TRPC7: variants seen among roughly 807,000 people sequenced by gnomAD.
The protein encoded by TRPC7 is short transient receptor potential channel 7.
A neutral mutation model predicts 90.1 loss-of-function variants in TRPC7; 42 were observed. The ratio of observed to expected loss-of-function variants is 0.47; its 90% CI spans 0.36 to 0.60. The LOEUF is 0.60. Among genes scored for constraint, TRPC7 ranks in the 20% least tolerant of loss-of-function variants. The pLI, the probability that TRPC7 is intolerant of heterozygous loss-of-function variation, is 0.00. For missense variants in TRPC7, 955 were observed against 1,112.3 expected (o/e 0.86, Z 2.01); for synonymous variants, 451 against 436.3 (o/e 1.03, Z -0.42).
intron 2 of TRPC7, among the ~76,000 whole-genome samples, chr5:136,356,262 C>T (rs1431657692): frequency 6.6e-6 from 1 of 152,188 alleles, no homozygotes; most frequent in African/African-American, 2.4e-5. Context: ...ACCACAGGTC[C>T]TTAGGTGTCC....
At chr5:136,292,486 C>T (rs1757993525) in intron 3 of TRPC7, among the ~76,000 whole-genome samples, 1 of 152,178 alleles carries the variant, frequency 6.6e-6, no homozygotes, top group South Asian at 2.1e-4. Flanking sequence ...CACAGAAATA[C>T]AAACTACCAT....
chr5:136,213,684 A>G, intron 11 of TRPC7, 80 bp from the exon 12 acceptor site: 1 of 1,494,148 alleles, frequency 6.7e-7, no homozygotes, highest in Non-Finnish European at 9.2e-7. Flanking sequence ...GGGCATGTGC[A>G]TCCTTCCAGT....
intron 4 of TRPC7, among the ~76,000 whole-genome samples, chr5:136,267,361 C>A (rs1024774960): frequency 5.1e-4 from 77 of 152,282 alleles, no homozygotes; most frequent in African/African-American, 1.9e-3. Flanking sequence ...CAAGCCCTAC[C>A]CCTCATCCAG....
At chr5:136,254,023 A>G (rs1364863681) in intron 5 of TRPC7, among the ~76,000 whole-genome samples, 5 of 152,176 alleles carry the variant, frequency 3.3e-5, no homozygotes, top group Non-Finnish European at 7.3e-5. Flanking sequence ...CCAGAGGAAG[A>G]CCCTCACTCT....
At chr5:136,286,501 G>T (rs1757724098) in intron 3 of TRPC7, among the ~76,000 whole-genome samples, 1 of 152,160 alleles carries the variant, frequency 6.6e-6, no homozygotes, top group Non-Finnish European at 1.5e-5. Flanking sequence ...CACGTGCAGG[G>T]AGAGAGACCA....
rs1755137427 is a variant in TRPC7, at chr5:136,212,869, G to C, written c.*566C>G. Among the ~76,000 whole-genome samples the C allele has an allele frequency of 6.6e-6, 1 of 152,196 alleles. No individual in the cohort carries two copies. The highest frequency in any genetic ancestry group is 1.5e-5 in the Non-Finnish European group (1 of 68,028). ...TGTTTTCTAAACAGTGCTACCTACA[G>C]TACAGTTTTCAATTTAGGATTTTTA... On this transcript the variant is annotated 3_prime_UTR_variant, in exon 12 of 12. Transcript: ENST00000513104.
chr5:136,220,472 G>A (rs1755417682), intron 10 of TRPC7, among the ~76,000 whole-genome samples: 1 of 152,114 alleles, frequency 6.6e-6, no homozygotes, highest in Non-Finnish European at 1.5e-5. Flanking sequence ...ACTGAAATAT[G>A]CCCTGGTCTC....
At chr5:136,277,655 T>C (rs1417095018) in intron 3 of TRPC7, among the ~76,000 whole-genome samples, 1 of 152,166 alleles carries the variant, frequency 6.6e-6, no homozygotes, top group Non-Finnish European at 1.5e-5. Context: ...ACTCGGGGTG[T>C]GACCAGGATT....
intron 3 of TRPC7, among the ~76,000 whole-genome samples, chr5:136,281,672 C>T (rs1169914222): frequency 6.6e-6 from 1 of 152,164 alleles, no homozygotes; most frequent in East Asian, 1.9e-4. Flanking sequence ...AATACAAGCT[C>T]CACCACTGAT....
chr5:136,354,277 G>T (rs184522067), intron 2 of TRPC7, among the ~76,000 whole-genome samples: 1 of 152,088 alleles, frequency 6.6e-6, no homozygotes, highest in Non-Finnish European at 1.5e-5. Flanking sequence ...CAAAAAAGAG[G>T]CTATATTCCT....
intron 7 of TRPC7, 36 bp from the exon 8 acceptor site, chr5:136,231,585 C>A (rs776707752): frequency 7.8e-6 from 12 of 1,533,098 alleles, no homozygotes; most frequent in African/African-American, 1.4e-5. Context: ...ACGCAGTTTG[C>A]ATCAGCTTGA....
intron 3 of TRPC7, among the ~76,000 whole-genome samples, chr5:136,309,799 A>G (rs996217540): frequency 6.6e-6 from 1 of 152,182 alleles, no homozygotes; most frequent in Non-Finnish European, 1.5e-5. Flanking sequence ...AAAAGCCACT[A>G]TGACTTTAGT....
intron 1 of TRPC7, among the ~76,000 whole-genome samples, chr5:136,362,572 G>T (rs7704463): frequency 0.32 from 48,921 of 151,870 alleles, 8,745 homozygotes; most frequent in Admixed American, 0.46. Flanking sequence ...TGGTTTAGGT[G>T]CTATTGTCAT....
At chr5:136,255,725 G>A (rs993934935) in intron 5 of TRPC7, among the ~76,000 whole-genome samples, 2 of 152,194 alleles carry the variant, frequency 1.3e-5, no homozygotes, top group African/African-American at 2.4e-5. Flanking sequence ...TGCCATATGT[G>A]TATATGTATT....
intron 2 of TRPC7, among the ~76,000 whole-genome samples, chr5:136,328,642 A>G (rs183257132): frequency 9.6e-4 from 147 of 152,370 alleles, no homozygotes; most frequent in African/African-American, 3.4e-3. Flanking sequence ...TGATAATGCC[A>G]TCTACTTTAT....
chr5:136,343,480 G>GCTTC (rs1759908150), intron 2 of TRPC7, among the ~76,000 whole-genome samples: 1 of 152,168 alleles, frequency 6.6e-6, no homozygotes, highest in African/African-American at 2.4e-5. Flanking sequence ...CTTGGGGGAA[G>GCTTC]GAATACTACA....
intron 11 of TRPC7, among the ~76,000 whole-genome samples, chr5:136,214,784 A>G (rs1755207584): frequency 6.6e-6 from 1 of 152,192 alleles, no homozygotes; most frequent in Non-Finnish European, 1.5e-5. Flanking sequence ...CCCAATGACC[A>G]GGCTCTTTCT....
chr5:136,251,635 A>C lies in TRPC7; in HGVS notation c.1579+14T>G, dbSNP rs771878288. 2.5e-6 allele frequency: 4 copies of C among 1,577,132 alleles called. No homozygotes were observed. The highest frequency in any genetic ancestry group is 3.5e-5 in the Admixed American group (2 of 56,608). ...AGCGCCAAAATGGAGTAGGGGAAGC[A>C]CTCTCCGACTCACCGTAGGTGAAGT... On this transcript the variant is annotated intron_variant, in intron 6 of 11. Transcript: ENST00000513104.
intron 2 of TRPC7, among the ~76,000 whole-genome samples, chr5:136,337,494 C>T (rs375483882): frequency 2.6e-5 from 4 of 152,022 alleles, no homozygotes; most frequent in South Asian, 2.1e-4. Context: ...GGTGAAACCT[C>T]GTCTCTATTA....
Sources: gnomAD v4.1 joint callset for allele counts (sites outside exome capture counted in the v4.1 genomes callset) on GRCh38, gnomAD v4.1.1 for gene constraint, MANE v1.5 for transcripts, NCBI Gene and HGNC (gene_info 2026-07-23, HGNC 2026-07-21) for gene names.